CTNND2: variants seen among roughly 807,000 people sequenced by gnomAD.
The protein encoded by CTNND2 is catenin delta 2.
CTNND2 carries 22 observed loss-of-function variants against 144.4 expected under a neutral mutation model. The observed-to-expected ratio is 0.15, with a 90% CI of 0.11 to 0.22. CTNND2 has a LOEUF of 0.22. Ranked by LOEUF, CTNND2 falls within the 10% of genes least tolerant of loss-of-function variation. CTNND2 has a pLI of 1.00. For synonymous variants in CTNND2, 751 were observed against 695.6 expected, an observed-to-expected ratio of 1.08 and a Z score of -1.25; for missense variants, 1,353 against 1,618.8, an observed-to-expected ratio of 0.84 and a Z score of 2.82.
chr5:11,129,226 A>ATATATAT (rs1163385284), intron 12 of CTNND2, among the ~76,000 whole-genome samples: 5,752 of 39,766 alleles, frequency 0.14, 854 homozygotes, highest in East Asian at 0.32. Context: ...TTATATATAA[A>ATATATAT]TATATATTAT....
chr5:11,267,158 C>T (rs1044415295), intron 9 of CTNND2, among the ~76,000 whole-genome samples: 1 of 152,208 alleles, frequency 6.6e-6, no homozygotes, highest in Admixed American at 6.5e-5. Context: ...GAATTACAGG[C>T]GTGAGCCACC....
At chr5:11,144,673 GA>G (rs1757074293) in intron 12 of CTNND2, among the ~76,000 whole-genome samples, 1 of 152,160 alleles carries the variant, frequency 6.6e-6, no homozygotes, top group Non-Finnish European at 1.5e-5. Flanking sequence ...TTGGTGGGAA[GA>G]AGCTGTATTT....
rs148677939 is a variant in CTNND2, at chr5:11,770,773, G to A, written c.38-38501C>T. ...ATGCAAAGTTTGAGAACAGTGAGTA[G>A]ATCAGAAAAGCAGACACAAAAAGAG... On this transcript the variant is annotated intron_variant, in intron 1 of 21. Coordinates refer to ENST00000304623, the MANE Select transcript of CTNND2 (RefSeq NM_001332.4). 2.1e-3 allele frequency among the ~76,000 whole-genome samples: 318 copies of A among 152,190 alleles called. 1 individual carries two copies. The highest frequency in any genetic ancestry group is 7.2e-3 in the African/African-American group (297 of 41,536).
intron 12 of CTNND2, among the ~76,000 whole-genome samples, chr5:11,129,114 TTATA>T (rs1561352232): frequency 4.8e-5 from 1 of 20,966 alleles, no homozygotes; most frequent in African/African-American, 2.3e-4. Context: ...AATATATATA[TTATA>T]TATAATATAT....
At chr5:11,751,482 A>C (rs1788616242) in intron 1 of CTNND2, among the ~76,000 whole-genome samples, 1 of 151,612 alleles carries the variant, frequency 6.6e-6, no homozygotes, top group African/African-American at 2.4e-5. Context: ...TGAGAACATG[A>C]GGGTTGGTTT....
At chr5:11,501,935 G>T (rs1395830683) in intron 3 of CTNND2, among the ~76,000 whole-genome samples, 1 of 151,174 alleles carries the variant, frequency 6.6e-6, no homozygotes, top group Non-Finnish European at 1.5e-5. Context: ...GGCTGGGGCA[G>T]GAGAATGGTG....
intron 3 of CTNND2, among the ~76,000 whole-genome samples, chr5:11,482,907 TCAG>T (rs1404340800): frequency 2.0e-5 from 3 of 151,294 alleles, no homozygotes; most frequent in African/African-American, 7.3e-5. Context: ...TGTGAGAGGG[TCAG>T]CAGGCAAAGG....
At chr5:11,129,448 A>G (rs1352448502) in intron 12 of CTNND2, among the ~76,000 whole-genome samples, 1 of 145,716 alleles carries the variant, frequency 6.9e-6, no homozygotes, top group Non-Finnish European at 1.5e-5. Flanking sequence ...AGGGCATGCC[A>G]AGGCCCTCTG....
chr5:11,160,416 G>A (rs1758655058), intron 11 of CTNND2, among the ~76,000 whole-genome samples: 1 of 152,250 alleles, frequency 6.6e-6, no homozygotes, highest in Admixed American at 6.5e-5. Context: ...AATGGACAGA[G>A]CGTCACAGTA....
intron 7 of CTNND2, among the ~76,000 whole-genome samples, chr5:11,377,677 T>C (rs995734781): frequency 6.6e-6 from 1 of 152,126 alleles, no homozygotes. Context: ...ATGGTAGATA[T>C]TAACTTCTGT....
chr5:11,240,190 AACAC>A lies in CTNND2; in HGVS notation c.1629-3371_1629-3368del, dbSNP rs141028390. The stretch of plus-strand genomic sequence containing the variant: ...CACCAACACACACACTCACACACCC[AACAC>A]ACACACACACACCCCCAACACACAC... On this transcript the variant is annotated intron_variant, in intron 9 of 21. Coordinates refer to ENST00000304623, the MANE Select transcript of CTNND2 (RefSeq NM_001332.4). 5.2e-3 allele frequency among the ~76,000 whole-genome samples: 577 copies of A among 110,988 alleles called. 12 individuals carry two copies. Among genetic ancestry groups the A allele is most frequent in the African/African-American group, 0.018 (483 of 27,352 alleles). 72.8% of individuals were successfully genotyped at this position (110,988 alleles called of 152,430 possible).
chr5:11,451,335 C>G (rs1765297641), intron 3 of CTNND2, among the ~76,000 whole-genome samples: 1 of 152,126 alleles, frequency 6.6e-6, no homozygotes, highest in Non-Finnish European at 1.5e-5. Context: ...AGAGCTCTAC[C>G]TAGAACCAAG....
intron 15 of CTNND2, among the ~76,000 whole-genome samples, chr5:11,087,089 T>G (rs1443036725): frequency 6.6e-6 from 1 of 152,244 alleles, no homozygotes; most frequent in Non-Finnish European, 1.5e-5. Flanking sequence ...CATTTGTGCA[T>G]TAATTTTCTT....
At chr5:11,105,466 C>T (rs1302162481) in intron 14 of CTNND2, among the ~76,000 whole-genome samples, 7 of 152,202 alleles carry the variant, frequency 4.6e-5, no homozygotes, top group African/African-American at 7.2e-5. Flanking sequence ...CCCTGCAATG[C>T]ACAGGCCGGC....
chr5:11,748,335 G>C (rs1376275740), intron 1 of CTNND2, among the ~76,000 whole-genome samples: 1 of 152,048 alleles, frequency 6.6e-6, no homozygotes, highest in African/African-American at 2.4e-5. Flanking sequence ...GTGCTTAGGA[G>C]TTAAATCTAA....
chr5:11,387,770 T>C (rs1288211675), intron 6 of CTNND2, among the ~76,000 whole-genome samples: 1 of 152,190 alleles, frequency 6.6e-6, no homozygotes, highest in Non-Finnish European at 1.5e-5. Context: ...ACACTAACGA[T>C]GCCATTACCA....
At chr5:11,711,065 ATT>A (rs11356551) in intron 2 of CTNND2, among the ~76,000 whole-genome samples, 1 of 147,572 alleles carries the variant, frequency 6.8e-6, no homozygotes, top group African/African-American at 2.5e-5. Flanking sequence ...GATTGGCTTA[ATT>A]TTTTTTTTTT....
At chr5:11,324,897 A>G (rs994861725) in intron 9 of CTNND2, among the ~76,000 whole-genome samples, 1 of 152,008 alleles carries the variant, frequency 6.6e-6, no homozygotes, top group Non-Finnish European at 1.5e-5. Context: ...CTGATTTCTC[A>G]GAAAACTGAA....
intron 17 of CTNND2, among the ~76,000 whole-genome samples, chr5:11,022,360 C>T (rs183365093): frequency 1.3e-5 from 2 of 152,138 alleles, no homozygotes; most frequent in Non-Finnish European, 2.9e-5. Flanking sequence ...TCTCCTCCCC[C>T]ATCCTTCCTG....
Sources: gnomAD v4.1 joint callset for allele counts (sites outside exome capture counted in the v4.1 genomes callset) on GRCh38, gnomAD v4.1.1 for gene constraint, MANE v1.5 for transcripts, NCBI Gene and HGNC (gene_info 2026-07-23, HGNC 2026-07-21) for gene names.